The following NFYC variants were observed in gnomAD, a reference collection of about 807,000 sequenced individuals.
NFYC encodes CAAT box DNA-binding protein subunit C.
Under a neutral mutation model 53.1 loss-of-function variants are expected in NFYC, and 25 were observed. The ratio of observed to expected loss-of-function variants is 0.47; its 90% CI spans 0.34 to 0.66. The LOEUF is 0.66. NFYC is among the 30% of genes least tolerant of loss of function. The probability of loss-of-function intolerance (pLI) is 0.01; values close to 1 mark genes in which losing one functional copy is unlikely to be tolerated. For missense variants in NFYC, 260 were observed against 422.7 expected (o/e 0.62, Z 3.38); for synonymous variants, 145 against 152.6 (o/e 0.95, Z 0.37).
At chr1:40,750,383 C>G (rs2148679823) in intron 4 of NFYC, among the ~76,000 whole-genome samples, 1 of 152,264 alleles carries the variant, frequency 6.6e-6, no homozygotes, top group East Asian at 1.9e-4. Context: ...CCTTTACCTA[C>G]AAAGTAGAAA....
intron 7 of NFYC, chr1:40,763,514 T>C (rs754399988): frequency 2.2e-4 from 91 of 404,950 alleles, no homozygotes; most frequent in South Asian, 1.6e-3. Flanking sequence ...GCCCGGCTGA[T>C]TTTTGTATTT....
At chr1:40,693,523 A>G (rs1004613492) in intron 1 of NFYC, among the ~76,000 whole-genome samples, 2 of 152,276 alleles carry the variant, frequency 1.3e-5, no homozygotes, top group Non-Finnish European at 2.9e-5. Flanking sequence ...GAATGCAACT[A>G]CATTTTCTGG....
chr1:40,763,365 G>A, intron 7 of NFYC: 1 of 455,188 alleles, frequency 2.2e-6, no homozygotes, highest in Non-Finnish European at 4.4e-6. Flanking sequence ...CTTTTTAGGA[G>A]ACAGGTCTTG....
intron 1 of NFYC, among the ~76,000 whole-genome samples, chr1:40,702,428 C>T (rs1230824090): frequency 2.6e-5 from 4 of 151,120 alleles, no homozygotes; most frequent in African/African-American, 4.9e-5. Flanking sequence ...CTGTAACCTC[C>T]GCCTACCAGG....
chr1:40,752,577 A>C lies in NFYC; in HGVS notation c.292-574A>C, dbSNP rs6688974. On this transcript the variant is annotated intron_variant, in intron 4 of 9. Transcript: ENST00000447388. The stretch of plus-strand genomic sequence containing the variant: ...AAACTATGAATATCAGAATTCTCAC[A>C]AGCTATGTTTTTTATTTGGGAATTC... 8.5e-3 allele frequency among the ~76,000 whole-genome samples: 1,297 copies of C among 152,144 alleles called. 13 individuals are homozygous for C. Among genetic ancestry groups the C allele is most frequent in the Non-Finnish European group, 0.012 (825 of 67,982 alleles).
chr1:40,721,314 A>G (rs1009150881), intron 1 of NFYC, among the ~76,000 whole-genome samples: 3 of 152,226 alleles, frequency 2.0e-5, no homozygotes, highest in African/African-American at 7.2e-5. Flanking sequence ...CCAACTTTCC[A>G]GAACATGTTT....
chr1:40,699,228 A>G (rs1001239042), intron 1 of NFYC, among the ~76,000 whole-genome samples: 2 of 152,184 alleles, frequency 1.3e-5, no homozygotes, highest in Non-Finnish European at 2.9e-5. Flanking sequence ...ATGTTAGAGT[A>G]TAGAATATTT....
chr1:40,763,639 G>A (rs1005504104), intron 7 of NFYC: 13 of 338,780 alleles, frequency 3.8e-5, no homozygotes, highest in African/African-American at 1.9e-4. Context: ...GAGCCATCAC[G>A]CCCAGCCCTC....
intron 1 of NFYC, among the ~76,000 whole-genome samples, chr1:40,706,995 C>T (rs192331460): frequency 7.9e-5 from 12 of 151,902 alleles, no homozygotes; most frequent in East Asian, 1.9e-4. Context: ...CATGGTGAAA[C>T]CCTGTCTCTA....
chr1:40,753,492 A>T (rs1375117341), intron 5 of NFYC, among the ~76,000 whole-genome samples: 1 of 152,262 alleles, frequency 6.6e-6, no homozygotes, highest in South Asian at 2.1e-4. Flanking sequence ...TACAAATGGT[A>T]AAGTTAAGCT....
At chr1:40,710,140 A>G (rs1643886136) in intron 1 of NFYC, among the ~76,000 whole-genome samples, 1 of 152,184 alleles carries the variant, frequency 6.6e-6, no homozygotes, top group African/African-American at 2.4e-5. Context: ...TTACCAGTCT[A>G]CCTCTAGATT....
intron 6 of NFYC, among the ~76,000 whole-genome samples, chr1:40,759,579 G>A (rs576138350): frequency 8.0e-5 from 10 of 124,304 alleles, no homozygotes; most frequent in Admixed American, 4.7e-4. Context: ...GTGTGTGTAT[G>A]TGTGTGTGTA....
intron 2 of NFYC, among the ~76,000 whole-genome samples, chr1:40,744,617 G>A (rs914742507): frequency 2.0e-5 from 3 of 152,268 alleles, no homozygotes; most frequent in South Asian, 2.1e-4. Context: ...CATTTTTAAC[G>A]TAGTTCTTTG....
chr1:40,751,651 G>A (rs144617722), intron 4 of NFYC, among the ~76,000 whole-genome samples: 3 of 152,082 alleles, frequency 2.0e-5, no homozygotes, highest in African/African-American at 7.2e-5. Context: ...TGGCTCAAGC[G>A]ATCCTCCTGC....
At chr1:40,708,772 G>C (rs1643839296) in intron 1 of NFYC, among the ~76,000 whole-genome samples, 1 of 152,186 alleles carries the variant, frequency 6.6e-6, no homozygotes, top group African/African-American at 2.4e-5. Context: ...TAAAGAAGCT[G>C]TATTTTCTTT....
intron 1 of NFYC, among the ~76,000 whole-genome samples, chr1:40,734,367 T>TATTC (rs1644919352): frequency 6.6e-6 from 1 of 151,614 alleles, no homozygotes; most frequent in African/African-American, 2.4e-5. Flanking sequence ...TTTATTTATT[T>TATTC]ATTTATTTAT....
At chr1:40,705,309 A>G (rs1378632780) in intron 1 of NFYC, among the ~76,000 whole-genome samples, 2 of 114,024 alleles carry the variant, frequency 1.8e-5, no homozygotes, top group African/African-American at 7.1e-5. Context: ...CACCCTTCAC[A>G]TGAGCTGCTT....
intron 1 of NFYC, among the ~76,000 whole-genome samples, chr1:40,737,722 A>G (rs1645114189): frequency 6.6e-6 from 1 of 152,140 alleles, no homozygotes; most frequent in African/African-American, 2.4e-5. Context: ...TTAGGAAAGA[A>G]CTGGGCGAAC....
At chr1:40,716,782 A>G (rs1433534096) in intron 1 of NFYC, among the ~76,000 whole-genome samples, 1 of 152,172 alleles carries the variant, frequency 6.6e-6, no homozygotes, top group African/African-American at 2.4e-5. Flanking sequence ...GAGGGTCTGA[A>G]CAGAGATAGT....
Sources: allele counts gnomAD v4.1 joint callset (sites outside exome capture counted in the v4.1 genomes callset), GRCh38; gene constraint gnomAD v4.1.1; transcripts MANE v1.5; gene names NCBI Gene and HGNC (gene_info 2026-07-23, HGNC 2026-07-21).